The following CEP128 variants were observed in gnomAD, a reference collection of about 807,000 sequenced individuals.
CEP128 encodes the protein centrosomal protein 128kDa.
CEP128 carries 132 observed loss-of-function variants against 156.7 expected under a neutral mutation model. That is an observed-to-expected ratio of 0.84 (90% CI 0.73 to 0.97). The LOEUF (loss-of-function observed/expected upper bound fraction) is 0.97. Ranked by LOEUF, CEP128 falls within the 50% of genes least tolerant of loss-of-function variation. The pLI, the probability that CEP128 is intolerant of heterozygous loss-of-function variation, is 0.00. For synonymous variants in CEP128, 469 were observed against 448.9 expected (o/e 1.04, Z -0.57); for missense variants, 1,252 against 1,281.9 (o/e 0.98, Z 0.36).
chr14:80,495,782 C>T (rs1395882255), downstream of CEP128, among the ~76,000 whole-genome samples: 1 of 152,118 alleles, frequency 6.6e-6, no homozygotes, highest in East Asian at 1.9e-4. Context: ...ATTTAACTAA[C>T]ATTTATCCAT....
At chr14:80,482,712 A>G (rs1887080987) in intron 14 of CEP128, among the ~76,000 whole-genome samples, 1 of 152,198 alleles carries the variant, frequency 6.6e-6, no homozygotes, top group African/African-American at 2.4e-5. Context: ...TATGACCTAA[A>G]CTTCAAAATG....
At chr14:80,935,859 G>A (rs899147497) in intron 2 of CEP128, among the ~76,000 whole-genome samples, 5 of 152,084 alleles carry the variant, frequency 3.3e-5, no homozygotes, top group African/African-American at 1.2e-4. Flanking sequence ...ATTAACTAAT[G>A]TAACCCCAAC....
intron 8 of CEP128, among the ~76,000 whole-genome samples, chr14:80,885,021 A>G (rs1267010547): frequency 5.3e-5 from 8 of 152,092 alleles, no homozygotes; most frequent in Non-Finnish European, 1.0e-4. Flanking sequence ...GTTAACCTTG[A>G]CTGTGAGTAA....
chr14:80,690,521 C>T lies in CEP128; in HGVS notation c.2806+52554G>A, dbSNP rs535919590. Among the ~76,000 whole-genome samples the T allele has an allele frequency of 1.3e-3, 197 of 151,696 alleles. 1 individual carries two copies. Among genetic ancestry groups the T allele is most frequent in the Non-Finnish European group, 2.4e-3 (162 of 67,946 alleles). On this transcript the variant is annotated intron_variant, in intron 19 of 24. Transcript: ENST00000555265. ...ATAGGTGCTGGCGTGGATAAATTGT[C>T]ACAAACACACTTATCCAGGATATTT...
chr14:80,536,045 C>G (rs186655613), intron 21 of CEP128, among the ~76,000 whole-genome samples: 8 of 152,286 alleles, frequency 5.3e-5, no homozygotes, highest in African/African-American at 1.4e-4. Flanking sequence ...AAATCTGCAA[C>G]AACACCAAAC....
At chr14:80,714,193 G>C (rs2139425707) in intron 19 of CEP128, among the ~76,000 whole-genome samples, 1 of 152,068 alleles carries the variant, frequency 6.6e-6, no homozygotes, top group African/African-American at 2.4e-5. Context: ...ACTAAACAAG[G>C]CCATGTTTTC....
chr14:80,681,630 G>A (rs1896327587), intron 19 of CEP128, among the ~76,000 whole-genome samples: 2 of 152,180 alleles, frequency 1.3e-5, no homozygotes, highest in African/African-American at 4.8e-5. Context: ...GGTTTTATAA[G>A]CATTGTCATT....
chr14:80,724,101 G>C (rs144428163), intron 19 of CEP128, among the ~76,000 whole-genome samples: 2 of 152,232 alleles, frequency 1.3e-5, no homozygotes, highest in East Asian at 3.9e-4. Context: ...TTGGTTCTGT[G>C]GTATGCTATT....
At chr14:80,677,201 C>A (rs1002463705) in intron 19 of CEP128, among the ~76,000 whole-genome samples, 1 of 152,090 alleles carries the variant, frequency 6.6e-6, no homozygotes, top group Non-Finnish European at 1.5e-5. Flanking sequence ...TGTGTCTTAT[C>A]TACAGATATA....
intron 2 of CEP128, among the ~76,000 whole-genome samples, chr14:80,929,481 A>T (rs1377561876): frequency 6.6e-6 from 1 of 152,238 alleles, no homozygotes; most frequent in Non-Finnish European, 1.5e-5. Context: ...GTGCCCATCA[A>T]CTGATGAGTG....
At chr14:80,578,463 C>CA (rs147397271) in intron 20 of CEP128, among the ~76,000 whole-genome samples, 1 of 152,270 alleles carries the variant, frequency 6.6e-6, no homozygotes, top group Non-Finnish European at 1.5e-5. Flanking sequence ...GATGTGCTAA[C>CA]ATTGTAAATT....
chr14:80,707,275 A>G (rs1897262068), intron 19 of CEP128, among the ~76,000 whole-genome samples: 1 of 152,132 alleles, frequency 6.6e-6, no homozygotes, highest in African/African-American at 2.4e-5. Flanking sequence ...TTTGTAGGCT[A>G]TGGTTCTAAT....
intron 13 of CEP128, among the ~76,000 whole-genome samples, chr14:80,794,021 T>A (rs1901856161): frequency 6.6e-6 from 1 of 152,086 alleles, no homozygotes. Flanking sequence ...TTACAATGAG[T>A]CACATAAGCT....
chr14:80,522,133 T>C (rs1346051528), intron 23 of CEP128, among the ~76,000 whole-genome samples: 1 of 152,206 alleles, frequency 6.6e-6, no homozygotes, highest in African/African-American at 2.4e-5. Context: ...CCATTAGTGA[T>C]ATATATTTAC....
intron 18 of CEP128, among the ~76,000 whole-genome samples, chr14:80,754,610 G>A (rs942051808): frequency 1.4e-5 from 2 of 148,078 alleles, no homozygotes; most frequent in Admixed American, 6.6e-5. Context: ...CTGCAGGCAC[G>A]TGCCACCATG....
intron 19 of CEP128, among the ~76,000 whole-genome samples, chr14:80,705,429 G>A (rs567623384): frequency 6.6e-6 from 1 of 152,098 alleles, no homozygotes; most frequent in African/African-American, 2.4e-5. Context: ...GTTCAGTTTT[G>A]TGTGTATAGG....
chr14:80,888,740 C>T (rs1341707832), intron 8 of CEP128, among the ~76,000 whole-genome samples: 1 of 152,188 alleles, frequency 6.6e-6, no homozygotes, highest in Admixed American at 6.5e-5. Flanking sequence ...TGCCCTCTCT[C>T]TCCACTCCTA....
At chr14:80,937,066 A>C (rs1372507473) in intron 2 of CEP128, among the ~76,000 whole-genome samples, 1 of 152,140 alleles carries the variant, frequency 6.6e-6, no homozygotes, top group Non-Finnish European at 1.5e-5. Flanking sequence ...GCCTGTAATC[A>C]CAGTATTTTG....
At chr14:80,677,162 G>A (rs75961642) in intron 19 of CEP128, among the ~76,000 whole-genome samples, 1,707 of 152,150 alleles carry the variant, frequency 0.011, 23 homozygotes, top group Non-Finnish European at 0.014. Flanking sequence ...GTACATGCAC[G>A]TTTCCATCTG....
Sources: allele counts gnomAD v4.1 joint callset (sites outside exome capture counted in the v4.1 genomes callset), GRCh38; gene constraint gnomAD v4.1.1; transcripts MANE v1.5; gene names NCBI Gene and HGNC (gene_info 2026-07-23, HGNC 2026-07-21).